The following MCCC2 variants were observed in gnomAD, a reference collection of about 807,000 sequenced individuals.
The protein encoded by MCCC2 is methylcrotonyl-CoA carboxylase subunit 2, also known as methylcrotonoyl-CoA carboxylase beta chain, mitochondrial.
Under a neutral mutation model 77.2 loss-of-function variants are expected in MCCC2, and 52 were observed. That is an observed-to-expected ratio of 0.67 (90% CI 0.54 to 0.85). The LOEUF (loss-of-function observed/expected upper bound fraction) is 0.85, where lower values mean the gene tolerates loss of function less well. Ranked by LOEUF, MCCC2 falls within the 40% of genes least tolerant of loss-of-function variation. The pLI is 0.00. For synonymous variants in MCCC2, 253 were observed against 248.4 expected, an observed-to-expected ratio of 1.02 and a Z score of -0.18; for missense variants, 682 against 703.2, an observed-to-expected ratio of 0.97 and a Z score of 0.34.
chr5:71,647,904 T>C (rs550830274), intron 13 of MCCC2, among the ~76,000 whole-genome samples: 10 of 152,210 alleles, frequency 6.6e-5, no homozygotes, highest in African/African-American at 2.4e-4. Context: ...ACTCTTCTTT[T>C]TGAAGGCAGG....
intron 6 of MCCC2, among the ~76,000 whole-genome samples, chr5:71,623,253 A>G (rs796848545): frequency 6.6e-6 from 1 of 152,202 alleles, no homozygotes; most frequent in African/African-American, 2.4e-5. Context: ...AACAAGACAC[A>G]TTGATTATCT....
intron 15 of MCCC2, among the ~76,000 whole-genome samples, chr5:71,651,343 A>T (rs1747431823): frequency 1.3e-5 from 2 of 152,262 alleles, no homozygotes; most frequent in African/African-American, 2.4e-5. Context: ...TGGAAACTTG[A>T]TGAAAGGCAG....
intron 10 of MCCC2, among the ~76,000 whole-genome samples, chr5:71,640,217 A>G (rs1166162759): frequency 6.6e-6 from 1 of 152,060 alleles, no homozygotes; most frequent in Non-Finnish European, 1.5e-5. Context: ...TGATAGCTAC[A>G]CTTTAATGAG....
rs530529495 is a variant in MCCC2 at position 71,651,613 on chromosome 5, G to A, written c.1489-1056G>A. The stretch of plus-strand genomic sequence containing the variant: ...CACCTAGATTGTGGAGTGAGGTACT[G>A]CCTCCCTGAATGCATCCATCCATGC... On this transcript the variant is annotated intron_variant, in intron 15 of 16. Coordinates refer to ENST00000340941, the MANE Select transcript of MCCC2 (RefSeq NM_022132.5). Among the ~76,000 whole-genome samples, 10 of 152,250 alleles carry A rather than the reference G, an allele frequency of 6.6e-5. No individual in the cohort carries two copies. The South Asian group carries it at 1.9e-3, about 28-fold the overall frequency.
Position 71,643,690 on chromosome 5 carries a change from A to T in MCCC2, c.1073-129A>T, listed in dbSNP as rs553336661. ...ATTGTGACATGAGCTGTTTTATACCATAGACAAAATCTCTTTGCATTTTAA... is the reference window on the plus strand; with the variant it reads ...ATTGTGACATGAGCTGTTTTATACCTTAGACAAAATCTCTTTGCATTTTAA... On this transcript the variant is annotated intron_variant, in intron 11 of 16. Transcript: ENST00000340941. 5.0e-6 allele frequency: 8 copies of T among 1,585,206 alleles called. No homozygotes were observed. The African/African-American group carries it at 9.4e-5, about 19-fold the overall frequency.
intron 6 of MCCC2, among the ~76,000 whole-genome samples, chr5:71,616,463 T>C (rs1746157229): frequency 6.6e-6 from 1 of 152,196 alleles, no homozygotes; most frequent in Non-Finnish European, 1.5e-5. Context: ...ACAGCTGGTG[T>C]CTGCTGGAGA....
chr5:71,626,665 C>A lies in MCCC2; in HGVS notation c.650C>A (p.Thr217Asn). 6.2e-7 allele frequency: 1 copy of A among 1,613,774 alleles called. No individual in the cohort carries two copies. Among genetic ancestry groups the A allele is most frequent in the Non-Finnish European group, 8.5e-7 (1 of 1,179,760 alleles). ...AQIAVVMGSC[T>N]AGGAYVPAMA... Reference sequence around the variant, plus strand: ...ATCGCAGTGGTCATGGGCTCCTGCACCGCAGGAGGAGCCTATGTGCCTGCC... The same window carrying A: ...ATCGCAGTGGTCATGGGCTCCTGCAACGCAGGAGGAGCCTATGTGCCTGCC... The change falls in exon 7 of 17, where the codon ACC becomes AAC. Residue 217 changes from threonine (T) to asparagine (N), a missense_variant. Physicochemically the swap from Thr to Asn is moderately conservative, Grantham distance 65 (BLOSUM62 0). Transcript: ENST00000340941.
chr5:71,618,624 T>G (rs10064099), intron 6 of MCCC2, among the ~76,000 whole-genome samples: 122,973 of 151,084 alleles, frequency 0.81, 50,330 homozygotes, highest in Admixed American at 0.88. Flanking sequence ...TGGCTTAAGT[T>G]ATCCTCCCAC....
At chr5:71,648,932 T>G (rs1234599846) in intron 13 of MCCC2, among the ~76,000 whole-genome samples, 165 bp from the exon 14 acceptor site, 1 of 152,268 alleles carries the variant, frequency 6.6e-6, no homozygotes, top group Non-Finnish European at 1.5e-5. Context: ...TATTTTATCC[T>G]TTTAAAGCAA....
At chr5:71,629,203 CA>C (rs11461767) in intron 7 of MCCC2, among the ~76,000 whole-genome samples, 89 of 139,090 alleles carry the variant, frequency 6.4e-4, no homozygotes, top group Admixed American at 6.6e-4. Context: ...GACTCCATCT[CA>C]AAAAAAAAAA....
At chr5:71,619,791 A>C (rs1327324834) in intron 6 of MCCC2, among the ~76,000 whole-genome samples, 1 of 152,068 alleles carries the variant, frequency 6.6e-6, no homozygotes, top group Non-Finnish European at 1.5e-5. Flanking sequence ...GGAGATCGAG[A>C]CCATCCTGGC....
intron 8 of MCCC2, among the ~76,000 whole-genome samples, chr5:71,634,323 A>G (rs1301352978): frequency 6.6e-6 from 1 of 152,226 alleles, no homozygotes; most frequent in East Asian, 1.9e-4. Flanking sequence ...GGCCCCTGCC[A>G]CAGAACCGTT....
intron 6 of MCCC2, among the ~76,000 whole-genome samples, chr5:71,616,850 C>T (rs544526063): frequency 6.6e-6 from 1 of 152,246 alleles, no homozygotes; most frequent in African/African-American, 2.4e-5. Context: ...CTGTTGGTTT[C>T]ACCCTTGGGC....
At chr5:71,601,441 C>T (rs183100767) in intron 4 of MCCC2, among the ~76,000 whole-genome samples, 2 of 152,228 alleles carry the variant, frequency 1.3e-5, no homozygotes, top group Admixed American at 1.3e-4. Context: ...AAGTCTAGTT[C>T]GTTTAATGTT....
chr5:71,645,847 G>T (rs1747259581), intron 12 of MCCC2, among the ~76,000 whole-genome samples: 1 of 152,146 alleles, frequency 6.6e-6, no homozygotes, highest in South Asian at 2.1e-4. Context: ...TATTGATAAT[G>T]GAGTAGCACT....
At chr5:71,623,895 A>G (rs1746445586) in intron 6 of MCCC2, among the ~76,000 whole-genome samples, 1 of 152,214 alleles carries the variant, frequency 6.6e-6, no homozygotes, top group African/African-American at 2.4e-5. Flanking sequence ...TTTGTCAGCT[A>G]TTCCCTTGTG....
intron 16 of MCCC2, 114 bp from the exon 17 acceptor site, chr5:71,656,629 C>T: frequency 1.2e-6 from 1 of 812,896 alleles, no homozygotes. Flanking sequence ...GGATGCTAAT[C>T]AGTAGATCCA....
In MCCC2 at chr5:71,647,022, A is replaced by T. The variant is rs1314352822; in HGVS notation, c.1216+745A>T. On this transcript the variant is annotated intron_variant, in intron 13 of 16. Transcript: ENST00000340941. ...CACCTCTCTGGACTTTACTCCAGAGATGACCTTAACATGGTGGATAAATTG... is the reference window on the plus strand; with the variant it reads ...CACCTCTCTGGACTTTACTCCAGAGTTGACCTTAACATGGTGGATAAATTG... 2.6e-5 allele frequency among the ~76,000 whole-genome samples: 4 copies of T among 152,218 alleles called. No homozygotes were observed. In the South Asian group the frequency reaches 6.2e-4, roughly 24 times the overall value.
chr5:71,633,252 C>G (rs1746805405), intron 8 of MCCC2, among the ~76,000 whole-genome samples: 1 of 151,038 alleles, frequency 6.6e-6, no homozygotes, highest in African/African-American at 2.4e-5. Context: ...GAGTGAGCCA[C>G]TGCACCTGGA....
Sources: gnomAD v4.1 joint callset for allele counts (sites outside exome capture counted in the v4.1 genomes callset) on GRCh38, gnomAD v4.1.1 for gene constraint, MANE v1.5 for transcripts, NCBI Gene and HGNC (gene_info 2026-07-23, HGNC 2026-07-21) for gene names.